Variants in NWD2 observed in about 807,000 individuals in gnomAD.
The protein encoded by NWD2 is NACHT and WD repeat domain-containing protein 2.
Under a neutral mutation model 132.7 loss-of-function variants are expected in NWD2, and 37 were observed. The ratio of observed to expected loss-of-function variants is 0.28; its 90% CI spans 0.21 to 0.37. NWD2 has a LOEUF of 0.37. NWD2 is among the 10% of genes least tolerant of loss of function. The probability of loss-of-function intolerance (pLI) is 1.00; values close to 1 mark genes in which losing one functional copy is unlikely to be tolerated. For synonymous variants in NWD2, 705 were observed against 803.0 expected, an observed-to-expected ratio of 0.88 and a Z score of 2.06; for missense variants, 1,592 against 2,122.4, an observed-to-expected ratio of 0.75 and a Z score of 4.91.
chr4:37,378,066 T>G (rs1006373816), intron 3 of NWD2, among the ~76,000 whole-genome samples: 6 of 152,194 alleles, frequency 3.9e-5, no homozygotes, highest in Non-Finnish European at 8.8e-5. Flanking sequence ...AGGTTAGAAC[T>G]TCTTATAATT....
chr4:37,437,115 T>C (rs1330928035), intron 5 of NWD2, among the ~76,000 whole-genome samples: 1 of 152,212 alleles, frequency 6.6e-6, no homozygotes, highest in Non-Finnish European at 1.5e-5. Context: ...CATTACAGAA[T>C]ATATGTATAT....
chr4:37,379,331 A>G (rs1720406662), intron 3 of NWD2, among the ~76,000 whole-genome samples: 1 of 152,114 alleles, frequency 6.6e-6, no homozygotes, highest in Non-Finnish European at 1.5e-5. Context: ...AGTCCGTCCA[A>G]CAGAATGATG....
intron 1 of NWD2, among the ~76,000 whole-genome samples, chr4:37,313,534 T>A (rs1718894805): frequency 6.6e-6 from 1 of 151,058 alleles, no homozygotes. Flanking sequence ...TCTTTATTAG[T>A]CTTGCTAGCG....
rs868075044 is a variant in NWD2 at position 37,439,164 on chromosome 4, C to T, written c.1070C>T (p.Thr357Met). Residue 357 changes from threonine to methionine, a missense_variant, in exon 6 of 7, where the codon ACG becomes ATG. Coordinates refer to ENST00000309447, the MANE Select transcript of NWD2 (RefSeq NM_001144990.2). The surrounding 1 kb of genome is among the most constrained non-coding windows in gnomAD (Gnocchi z 4.5). ...GACATGATTGATATAATTCAGGCAA[C>T]GATACAACAGAATTTTGACACTGAA... ...YEDMIDIIQA[T>M]IQQNFDTETD... is the part of the protein sequence containing the mutation. The T allele has an allele frequency of 7.1e-6, 11 of 1,549,878 alleles. No individual in the cohort carries two copies. The Middle Eastern group carries it at 1.0e-3, about 141-fold the overall frequency.
intron 2 of NWD2, among the ~76,000 whole-genome samples, chr4:37,354,314 A>T (rs1192796230): frequency 2.0e-5 from 3 of 152,208 alleles, no homozygotes; most frequent in Non-Finnish European, 2.9e-5. Flanking sequence ...ATCAGGAGGC[A>T]TGGGGGGTCA....
intron 3 of NWD2, among the ~76,000 whole-genome samples, chr4:37,366,977 C>A (rs1201772331): frequency 6.6e-6 from 1 of 152,092 alleles, no homozygotes; most frequent in East Asian, 1.9e-4. Flanking sequence ...TATAACATGA[C>A]CTAATTAACA....
chr4:37,415,974 T>C (rs6816980), intron 3 of NWD2, among the ~76,000 whole-genome samples: 21,441 of 152,208 alleles, frequency 0.14, 1,629 homozygotes, highest in East Asian at 0.29. Context: ...GAAAATTCCC[T>C]TGGAACAGTG....
chr4:37,340,122 A>T (rs990374649), intron 2 of NWD2, among the ~76,000 whole-genome samples: 27 of 151,876 alleles, frequency 1.8e-4, no homozygotes, highest in Admixed American at 8.5e-4. Context: ...AAATTAACAT[A>T]CCTCAGTTTT....
At chr4:37,329,669 C>G (rs774927084) in intron 2 of NWD2, among the ~76,000 whole-genome samples, 17 of 152,000 alleles carry the variant, frequency 1.1e-4, no homozygotes, top group Non-Finnish European at 1.9e-4. Context: ...GAAATAATTA[C>G]AGATGGCATC....
intron 1 of NWD2, among the ~76,000 whole-genome samples, chr4:37,297,348 A>C (rs1386100828): frequency 6.6e-6 from 1 of 152,044 alleles, no homozygotes; most frequent in Admixed American, 6.6e-5. Flanking sequence ...TATTATTTTT[A>C]TTGTATTTTT....
chr4:37,281,736 G>A (rs971351085), intron 1 of NWD2, among the ~76,000 whole-genome samples: 2 of 151,976 alleles, frequency 1.3e-5, no homozygotes, highest in African/African-American at 4.8e-5. Context: ...GGAACTTAAC[G>A]TTATTAAGAT....
intron 3 of NWD2, among the ~76,000 whole-genome samples, chr4:37,375,238 C>T (rs1371220141): frequency 9.2e-5 from 14 of 152,122 alleles, no homozygotes; most frequent in Admixed American, 9.2e-4. Flanking sequence ...TATAGTCATG[C>T]CTAGTGTCAA....
chr4:37,384,362 A>C (rs942203799), intron 3 of NWD2, among the ~76,000 whole-genome samples: 1 of 152,156 alleles, frequency 6.6e-6, no homozygotes, highest in Non-Finnish European at 1.5e-5. Flanking sequence ...CCTGGTTCCT[A>C]GGGATAAGCC....
chr4:37,249,767 T>C (rs987870735), intron 1 of NWD2, among the ~76,000 whole-genome samples: 3 of 152,258 alleles, frequency 2.0e-5, no homozygotes, highest in Non-Finnish European at 4.4e-5. Flanking sequence ...AGTCATGAAC[T>C]CTTGTCCACA....
intron 2 of NWD2, among the ~76,000 whole-genome samples, chr4:37,330,816 A>G (rs1038341888): frequency 2.7e-5 from 4 of 150,366 alleles, no homozygotes; most frequent in Non-Finnish European, 5.9e-5. Flanking sequence ...TCATCACCCT[A>G]CTTGAGTATT....
At chr4:37,333,448 C>G (rs895157837) in intron 2 of NWD2, among the ~76,000 whole-genome samples, 4 of 152,178 alleles carry the variant, frequency 2.6e-5, no homozygotes, top group African/African-American at 7.2e-5. Flanking sequence ...GCCTGGTAAT[C>G]CAGAGAATTC....
chr4:37,418,165 G>T (rs578209055), intron 3 of NWD2, among the ~76,000 whole-genome samples: 2 of 151,972 alleles, frequency 1.3e-5, no homozygotes, highest in Admixed American at 6.6e-5. Context: ...AGGATGGAAG[G>T]GTGGTAAGTC....
intron 4 of NWD2, among the ~76,000 whole-genome samples, chr4:37,433,068 G>A (rs1712222617): frequency 6.6e-6 from 1 of 152,150 alleles, no homozygotes; most frequent in South Asian, 2.1e-4. Flanking sequence ...TCTGTGCAAT[G>A]GGAAATCATA....
At position 37,245,159 on chromosome 4, in the gene NWD2, C is replaced by A; in HGVS notation, c.92C>A (p.Pro31His). 1 of 1,546,902 alleles carries A rather than the reference C, an allele frequency of 6.5e-7. No individual in the cohort carries two copies. The highest frequency in any genetic ancestry group is 8.7e-7 in the Non-Finnish European group (1 of 1,146,472). Residue 31 changes from proline to histidine, a missense_variant, in exon 1 of 7, where the codon CCC (proline) becomes CAC (histidine). Pro to His is a moderately conservative substitution (Grantham distance 77). Transcript: ENST00000309447. ...TTCTCTGGGAACCTCACGGCCCTGC[C>A]CTCTCACCTCGTGCCCGCCGGCCGC... is the stretch of plus-strand genomic sequence containing the variant. ...AAFSGNLTALPSHLVPAGRSV... is the reference protein window; with the variant it reads ...AAFSGNLTALHSHLVPAGRSV...
Sources: allele counts gnomAD v4.1 joint callset (sites outside exome capture counted in the v4.1 genomes callset), GRCh38; gene constraint gnomAD v4.1.1; non-coding constraint Gnocchi (gnomAD v3.1); transcripts MANE v1.5; gene names NCBI Gene and HGNC (gene_info 2026-07-23, HGNC 2026-07-21).